Variants in SLMAP observed in about 807,000 individuals in gnomAD.
The protein encoded by SLMAP is sarcolemma associated protein, also known as sarcolemmal membrane-associated protein.
In SLMAP, 44 loss-of-function variants were observed where a neutral mutation model predicts 128.8. The ratio of observed to expected loss-of-function variants is 0.34; its 90% CI spans 0.27 to 0.44. The LOEUF is 0.44. Ranked by LOEUF, SLMAP falls within the 20% of genes least tolerant of loss-of-function variation. The pLI, the probability that SLMAP is intolerant of heterozygous loss-of-function variation, is 1.00. For missense variants in SLMAP, 787 were observed against 985.3 expected (o/e 0.80, Z 2.69); for synonymous variants, 327 against 348.8 (o/e 0.94, Z 0.70).
At chr3:57,849,891 G>A in intron 6 of SLMAP, 75 bp downstream of exon 6, 4 of 864,310 alleles carry the variant, frequency 4.6e-6, no homozygotes, top group South Asian at 2.7e-5. Context: ...AGCAGAATTA[G>A]GGCCAGGCAT....
intron 19 of SLMAP, among the ~76,000 whole-genome samples, chr3:57,910,382 C>G (rs996227062): frequency 2.0e-5 from 3 of 151,996 alleles, no homozygotes; most frequent in African/African-American, 7.2e-5. Context: ...TGGGGTTTCA[C>G]TATATTGGCC....
chr3:57,832,328 G>C (rs1025663308), intron 3 of SLMAP, among the ~76,000 whole-genome samples: 2 of 152,144 alleles, frequency 1.3e-5, no homozygotes, highest in African/African-American at 4.8e-5. Context: ...AAGATGGAAA[G>C]GTAGTAGAGG....
intron 2 of SLMAP, among the ~76,000 whole-genome samples, chr3:57,792,158 CCTT>C (rs769928898): frequency 2.2e-4 from 34 of 151,846 alleles, no homozygotes; most frequent in Non-Finnish European, 4.4e-4. Flanking sequence ...TTAGATGCGA[CCTT>C]CTTAGTGATA....
At chr3:57,880,709 C>T (rs566590885) in intron 14 of SLMAP, among the ~76,000 whole-genome samples, 1 of 151,700 alleles carries the variant, frequency 6.6e-6, no homozygotes, top group South Asian at 2.1e-4. Flanking sequence ...GAGACCATGT[C>T]TCTACAAAAA....
chr3:57,884,854 A>G (rs185526549), intron 14 of SLMAP, among the ~76,000 whole-genome samples: 1 of 152,248 alleles, frequency 6.6e-6, no homozygotes, highest in East Asian at 1.9e-4. Flanking sequence ...ACAAACTGCC[A>G]TTGTGTGGCC....
intron 4 of SLMAP, among the ~76,000 whole-genome samples, chr3:57,846,087 AC>A (rs1214947851): frequency 6.6e-6 from 1 of 152,040 alleles, no homozygotes; most frequent in Non-Finnish European, 1.5e-5. Context: ...TGATCCGCCC[AC>A]CTTGGCCTCC....
chr3:57,769,439 C>T (rs548094944), intron 2 of SLMAP, among the ~76,000 whole-genome samples: 51 of 152,178 alleles, frequency 3.4e-4, no homozygotes, highest in African/African-American at 1.1e-3. Context: ...GTGATCCGCC[C>T]GCCTTGGCCT....
chr3:57,823,582 G>T (rs934804153), intron 2 of SLMAP, among the ~76,000 whole-genome samples: 1 of 152,248 alleles, frequency 6.6e-6, no homozygotes, highest in Admixed American at 6.5e-5. Context: ...GTATTCCATG[G>T]TGTATATGTG....
intron 13 of SLMAP, among the ~76,000 whole-genome samples, chr3:57,869,703 C>G (rs1253897053): frequency 7.3e-6 from 1 of 137,206 alleles, no homozygotes; most frequent in Non-Finnish European, 1.5e-5. Context: ...ATTTTGCCTA[C>G]AGCATCCAAA....
intron 17 of SLMAP, chr3:57,898,557 T>C (rs1327101866): frequency 6.6e-6 from 1 of 152,238 alleles, no homozygotes; most frequent in Admixed American, 6.5e-5. Context: ...AACTTAAGAT[T>C]GAGTATAGTG....
intron 19 of SLMAP, among the ~76,000 whole-genome samples, chr3:57,910,563 C>T (rs924905328): frequency 1.3e-5 from 2 of 152,130 alleles, no homozygotes; most frequent in Non-Finnish European, 2.9e-5. Flanking sequence ...CTTCTTATCA[C>T]CATTTTGCTA....
chr3:57,856,641 C>A (rs1392178536), intron 6 of SLMAP, among the ~76,000 whole-genome samples: 1 of 152,014 alleles, frequency 6.6e-6, no homozygotes, highest in Admixed American at 6.6e-5. Flanking sequence ...TAAAGGACCT[C>A]TCTGAAGGTA....
chr3:57,872,383 C>T (rs2095502029), intron 14 of SLMAP, among the ~76,000 whole-genome samples: 1 of 152,098 alleles, frequency 6.6e-6, no homozygotes, highest in African/African-American at 2.4e-5. Flanking sequence ...TTTGGGGAGG[C>T]CGAAGTGGGT....
intron 2 of SLMAP, among the ~76,000 whole-genome samples, chr3:57,766,165 ATTTTTT>A (rs869169620): frequency 2.0e-3 from 172 of 85,690 alleles, no homozygotes; most frequent in African/African-American, 7.1e-3. Context: ...CACCCGGCTA[ATTTTTT>A]TTTTTTTTTT....
rs1013577549 is a variant in SLMAP, at chr3:57,864,846, G to A, written c.1175G>A (p.Cys392Tyr). Residue 392 changes from cysteine to tyrosine, a missense_variant, in exon 12 of 25, where the codon TGC becomes TAC. Around this residue, in one of 2 missense-constraint regions of SLMAP, gnomAD observed 715 missense variants for 843.6 expected, o/e 0.85. Coordinates refer to ENST00000671191, the MANE Select transcript of SLMAP (RefSeq NM_001377540.1). ...EHLQEKTLKE[C>Y]SSLGIQVDDF... ...CTTCAGGAGAAAACTCTTAAAGAATGCAGCAGCTTGGGTAGGTGGCATCCA... is the reference window on the plus strand; with the variant it reads ...CTTCAGGAGAAAACTCTTAAAGAATACAGCAGCTTGGGTAGGTGGCATCCA... The A allele has an allele frequency of 8.2e-6, 13 of 1,578,056 alleles. No individual in the cohort carries two copies. The African/African-American group carries it at 8.2e-5, about 10-fold the overall frequency.
chr3:57,847,115 G>A (rs909722094), intron 4 of SLMAP, 82 bp from the exon 5 acceptor site: 65 of 805,206 alleles, frequency 8.1e-5, no homozygotes, highest in Admixed American at 1.8e-4. Flanking sequence ...AAACTTTGTG[G>A]TGTAAGATAT....
intron 8 of SLMAP, among the ~76,000 whole-genome samples, chr3:57,858,715 G>C (rs2094904861): frequency 6.6e-6 from 1 of 152,130 alleles, no homozygotes; most frequent in Non-Finnish European, 1.5e-5. Context: ...GGATGAGGCG[G>C]GCGAATCACC....
chr3:57,866,822 T>C (rs1047226133), intron 13 of SLMAP, among the ~76,000 whole-genome samples: 2 of 151,374 alleles, frequency 1.3e-5, no homozygotes, highest in East Asian at 3.9e-4. Context: ...AGGTCGAGGC[T>C]GCAGTGAACT....
At chr3:57,922,301 C>T (rs1243997437) in intron 22 of SLMAP, among the ~76,000 whole-genome samples, 1 of 152,004 alleles carries the variant, frequency 6.6e-6, no homozygotes, top group Non-Finnish European at 1.5e-5. Context: ...TCCTGTAACT[C>T]ACTTGGTGGA....
Sources: gnomAD v4.1 joint callset for allele counts (sites outside exome capture counted in the v4.1 genomes callset) on GRCh38, gnomAD v4.1.1 for gene constraint, gnomAD v4.1.1 regional missense constraint, MANE v1.5 for transcripts, NCBI Gene and HGNC (gene_info 2026-07-23, HGNC 2026-07-21) for gene names.